The following MOB1B variants were observed in gnomAD, a reference collection of about 807,000 sequenced individuals.
The protein encoded by MOB1B is MOB1 Mps One Binder homolog B.
A neutral mutation model predicts 24.4 loss-of-function variants in MOB1B; 19 were observed. That is an observed-to-expected ratio of 0.78 (90% CI 0.54 to 1.14). The LOEUF is 1.14. MOB1B is among the 50% of genes most tolerant of loss of function. The probability of loss-of-function intolerance (pLI) is 0.00; values close to 1 mark genes in which losing one functional copy is unlikely to be tolerated. For missense variants in MOB1B, 243 were observed against 259.6 expected, an observed-to-expected ratio of 0.94 and a Z score of 0.44; for synonymous variants, 76 against 82.1, an observed-to-expected ratio of 0.93 and a Z score of 0.40.
At chr4:70,935,764 C>G (rs1292850669) in intron 1 of MOB1B, among the ~76,000 whole-genome samples, 2 of 151,742 alleles carry the variant, frequency 1.3e-5, no homozygotes, top group Non-Finnish European at 2.9e-5. Flanking sequence ...CAACTTCTGC[C>G]TCCTGAGCTT....
intron 2 of MOB1B, among the ~76,000 whole-genome samples, chr4:70,966,248 G>A (rs1738526660): frequency 6.6e-6 from 1 of 152,108 alleles, no homozygotes; most frequent in African/African-American, 2.4e-5. Flanking sequence ...ACAAAGGTTA[G>A]TTTAGCATCT....
Position 70,983,898 on chromosome 4 carries a change from T to C in MOB1B, c.*1841T>C, listed in dbSNP as rs1389285066. Reference sequence around the variant, plus strand: ...GTCAGAGCTAGTTAATTTCCTTAAATCTTTTTGTATTCAGATAGATAATAT... The same window carrying C: ...GTCAGAGCTAGTTAATTTCCTTAAACCTTTTTGTATTCAGATAGATAATAT... On this transcript the variant is annotated 3_prime_UTR_variant, in exon 6 of 6. Coordinates refer to ENST00000309395, the MANE Select transcript of MOB1B (RefSeq NM_173468.4). The C allele has an allele frequency of 2.6e-5, 4 of 152,626 alleles. No individual in the cohort carries two copies. Among genetic ancestry groups the C allele is most frequent in the African/African-American group, 9.6e-5 (4 of 41,462 alleles). The allele number at this position is 152,626 out of a possible 1,614,324, so 9.5% of individuals were successfully genotyped here. A position where few individuals can be genotyped will look rare whatever the true frequency, so the allele number is the denominator to read the frequency against.
chr4:70,957,639 T>G (rs1425046904), intron 1 of MOB1B, among the ~76,000 whole-genome samples: 2 of 151,992 alleles, frequency 1.3e-5, no homozygotes, highest in Non-Finnish European at 2.9e-5. Context: ...GGAGGGAGTC[T>G]CATGCATTGC....
intron 1 of MOB1B, among the ~76,000 whole-genome samples, chr4:70,918,094 A>C (rs1420908140): frequency 2.0e-5 from 3 of 152,176 alleles, no homozygotes; most frequent in Non-Finnish European, 4.4e-5. Flanking sequence ...GATTGAACAT[A>C]ATTTTGGCAA....
chr4:70,944,674 A>G (rs1737499175), intron 1 of MOB1B, among the ~76,000 whole-genome samples: 1 of 152,178 alleles, frequency 6.6e-6, no homozygotes, highest in Non-Finnish European at 1.5e-5. Flanking sequence ...GGCCTCAGGA[A>G]GCTTACAATC....
chr4:70,916,621 G>A (rs568416204), intron 1 of MOB1B, among the ~76,000 whole-genome samples: 1 of 152,044 alleles, frequency 6.6e-6, no homozygotes, highest in East Asian at 1.9e-4. Context: ...AGGCTAGAGT[G>A]CAATGGCATG....
At chr4:70,948,533 T>C (rs931323977) in intron 1 of MOB1B, among the ~76,000 whole-genome samples, 1 of 152,226 alleles carries the variant, frequency 6.6e-6, no homozygotes, top group Admixed American at 6.5e-5. Context: ...TCCCTAATTG[T>C]TTCTTTTCAT....
In MOB1B at chr4:70,906,517, G is replaced by A. The variant is rs138448988; in HGVS notation, c.14+3967G>A. ...ATACTGAACATCAATAAATCATGTA[G>A]TATGGCGGAAGGTTGTAAGTGCCAT... On this transcript the variant is annotated intron_variant, in intron 1 of 5. Coordinates refer to ENST00000309395, the MANE Select transcript of MOB1B (RefSeq NM_173468.4). Among the ~76,000 whole-genome samples the A allele has an allele frequency of 1.8e-4, 28 of 152,326 alleles. No homozygotes were observed. The East Asian group carries it at 4.2e-3, about 23-fold the overall frequency.
intron 5 of MOB1B, among the ~76,000 whole-genome samples, chr4:70,980,423 C>T (rs1489644909): frequency 6.6e-6 from 1 of 152,190 alleles, no homozygotes; most frequent in Non-Finnish European, 1.5e-5. Context: ...TGATCTTACA[C>T]TGTGTTTCCC....
At chr4:70,968,021 ATT>A (rs574111378) in intron 2 of MOB1B, among the ~76,000 whole-genome samples, 155 of 151,970 alleles carry the variant, frequency 1.0e-3, no homozygotes, top group African/African-American at 3.6e-3. Context: ...TTATTATTTA[ATT>A]TTTTGTAGTG....
chr4:70,940,298 C>T (rs1578371498), intron 1 of MOB1B, among the ~76,000 whole-genome samples: 1 of 152,100 alleles, frequency 6.6e-6, no homozygotes, highest in African/African-American at 2.4e-5. Flanking sequence ...CTCCAGAGAC[C>T]CACCTTCCTC....
intron 1 of MOB1B, among the ~76,000 whole-genome samples, chr4:70,933,539 ACT>A (rs1736962141): frequency 1.4e-5 from 2 of 140,604 alleles, no homozygotes; most frequent in Non-Finnish European, 3.0e-5. Flanking sequence ...AATAAAAATA[ACT>A]CTTTTTTTTT....
At chr4:70,904,819 TGGA>T (rs1181279480) in intron 1 of MOB1B, among the ~76,000 whole-genome samples, 1 of 151,266 alleles carries the variant, frequency 6.6e-6, no homozygotes, top group East Asian at 1.9e-4. Context: ...AACTAGGGGA[TGGA>T]GAAGTTTCTG....
rs1739110877 is a variant in MOB1B, at chr4:70,979,222, C to A, written c.504C>A (p.Asp168Glu). ...CTCACATTTATCATCAGCATTTTGA[C>A]CCTGTGATCCAGCTTCAGGAGGAAG... ...VYAHIYHQHFDPVIQLQEEAH... is the reference protein window; with the variant it reads ...VYAHIYHQHFEPVIQLQEEAH... Residue 168 changes from aspartate to glutamate, a missense_variant, in exon 5 of 6, where the codon GAC becomes GAA. Coordinates refer to ENST00000309395, the MANE Select transcript of MOB1B (RefSeq NM_173468.4). 10 of 1,613,710 alleles carry A rather than the reference C, an allele frequency of 6.2e-6. No individual in the cohort carries two copies. Among genetic ancestry groups the A allele is most frequent in the Non-Finnish European group, 6.8e-6 (8 of 1,179,712 alleles).
chr4:70,920,442 C>A (rs1358600593), intron 1 of MOB1B, among the ~76,000 whole-genome samples: 1 of 152,220 alleles, frequency 6.6e-6, no homozygotes, highest in Non-Finnish European at 1.5e-5. Context: ...CCAGGCTGGT[C>A]TCGTACTCCT....
At chr4:70,933,105 G>GA (rs1214545227) in intron 1 of MOB1B, among the ~76,000 whole-genome samples, 2 of 152,284 alleles carry the variant, frequency 1.3e-5, no homozygotes, top group South Asian at 4.1e-4. Flanking sequence ...AATCATGGCA[G>GA]AAGGGGGAAA....
intron 1 of MOB1B, among the ~76,000 whole-genome samples, chr4:70,912,077 A>G (rs1736008569): frequency 6.6e-6 from 1 of 151,796 alleles, no homozygotes; most frequent in Non-Finnish European, 1.5e-5. Flanking sequence ...TTGTATTTTT[A>G]GTAGAGACAG....
chr4:70,976,638 AAATG>A (rs1306891348), intron 4 of MOB1B: 2 of 977,914 alleles, frequency 2.0e-6, no homozygotes, highest in Admixed American at 1.2e-4. Context: ...TTTGAAAAAA[AAATG>A]TGACAACAAT....
chr4:70,960,989 T>C (rs1447455335), intron 2 of MOB1B, among the ~76,000 whole-genome samples: 1 of 152,192 alleles, frequency 6.6e-6, no homozygotes, highest in Non-Finnish European at 1.5e-5. Context: ...TCTTATCTGC[T>C]AGGGATACAT....
Sources: allele counts gnomAD v4.1 joint callset (sites outside exome capture counted in the v4.1 genomes callset), GRCh38; gene constraint gnomAD v4.1.1; transcripts MANE v1.5; gene names NCBI Gene and HGNC (gene_info 2026-07-23, HGNC 2026-07-21).